The following ZSWIM6 variants were observed in gnomAD, a reference collection of about 807,000 sequenced individuals.
ZSWIM6 encodes zinc finger SWIM domain-containing protein 6.
In ZSWIM6, 9 loss-of-function variants were observed where a neutral mutation model predicts 113.2. The ratio of observed to expected loss-of-function variants is 0.08; its 90% CI spans 0.05 to 0.14. The LOEUF (loss-of-function observed/expected upper bound fraction) is 0.14, where lower values mean the gene tolerates loss of function less well. Ranked by LOEUF, ZSWIM6 falls within the 10% of genes least tolerant of loss-of-function variation. The pLI, the probability that ZSWIM6 is intolerant of heterozygous loss-of-function variation, is 1.00. For synonymous variants in ZSWIM6, 611 were observed against 606.5 expected (o/e 1.01, Z -0.11); for missense variants, 1,162 against 1,552.2 (o/e 0.75, Z 4.22).
At chr5:61,484,320 A>G (rs1747957903) in intron 2 of ZSWIM6, among the ~76,000 whole-genome samples, 1 of 152,194 alleles carries the variant, frequency 6.6e-6, no homozygotes, top group Non-Finnish European at 1.5e-5. Context: ...AATGACAAAA[A>G]TTGAGAGAAG....
chr5:61,458,341 T>C (rs887997760), intron 1 of ZSWIM6, among the ~76,000 whole-genome samples: 7 of 152,202 alleles, frequency 4.6e-5, no homozygotes. Flanking sequence ...TTACTTAGAA[T>C]CTAAAAATTT....
At chr5:61,512,796 ATT>A (rs1748825836) in intron 4 of ZSWIM6, among the ~76,000 whole-genome samples, 1 of 151,866 alleles carries the variant, frequency 6.6e-6, no homozygotes, top group African/African-American at 2.4e-5. Flanking sequence ...GTCTTTCTGA[ATT>A]TTTGCCCTTT....
chr5:61,348,321 T>C (rs1041654808), intron 1 of ZSWIM6, among the ~76,000 whole-genome samples: 7 of 152,116 alleles, frequency 4.6e-5, no homozygotes, highest in Non-Finnish European at 1.0e-4. Context: ...TAAGCCATGG[T>C]GGATTAAGCT....
At chr5:61,431,189 A>G (rs1746572246) in intron 1 of ZSWIM6, among the ~76,000 whole-genome samples, 1 of 151,060 alleles carries the variant, frequency 6.6e-6, no homozygotes, top group Non-Finnish European at 1.5e-5. Flanking sequence ...GGCCAACATG[A>G]TGAAACCCTG....
intron 1 of ZSWIM6, among the ~76,000 whole-genome samples, chr5:61,378,659 G>T (rs979088677): frequency 6.6e-6 from 1 of 151,928 alleles, no homozygotes; most frequent in East Asian, 1.9e-4. Flanking sequence ...AGGTTCAATC[G>T]GTTTTCCTGC....
intron 4 of ZSWIM6, among the ~76,000 whole-genome samples, chr5:61,506,901 A>G (rs1057106911): frequency 1.3e-5 from 2 of 152,234 alleles, no homozygotes; most frequent in African/African-American, 4.8e-5. Flanking sequence ...AGCCTGGGAA[A>G]TACCAAAAGT....
At chr5:61,415,653 A>G (rs994391968) in intron 1 of ZSWIM6, among the ~76,000 whole-genome samples, 3 of 151,874 alleles carry the variant, frequency 2.0e-5, no homozygotes, top group Non-Finnish European at 2.9e-5. Flanking sequence ...TGGGATGGAT[A>G]TGACATGGGG....
intron 4 of ZSWIM6, among the ~76,000 whole-genome samples, chr5:61,520,633 C>T (rs1205605423): frequency 6.6e-6 from 1 of 151,630 alleles, no homozygotes; most frequent in East Asian, 1.9e-4. Flanking sequence ...ATTTTACTGG[C>T]TTTTTTTTGC....
Position 61,543,538 on chromosome 5 carries a change from G to T in ZSWIM6, c.2869G>T (p.Val957Leu). The T allele has an allele frequency of 6.4e-7, 1 of 1,551,020 alleles. No homozygotes were observed. The highest frequency in any genetic ancestry group is 8.7e-7 in the Non-Finnish European group (1 of 1,146,884). ...TEATSIVATT[V>L]MSNSTIVRLH... ...GGCCACAAGTATAGTTGCAACTACC[G>T]TGATGTCCAACAGCACCATCGTCCG... The change falls in exon 14 of 14, where the codon GTG becomes TTG. Residue 957 changes from valine (V) to leucine (L), a missense_variant. This residue lies in a region of ZSWIM6 where 620 missense variants were observed against 804.6 expected (regional missense o/e 0.77). Coordinates refer to ENST00000252744, the MANE Select transcript of ZSWIM6 (RefSeq NM_020928.2). This position sits in a 1 kb window ranked among gnomAD's most constrained non-coding sequence, Gnocchi z 4.3.
chr5:61,401,310 T>C (rs528227099), intron 1 of ZSWIM6, among the ~76,000 whole-genome samples: 1 of 152,296 alleles, frequency 6.6e-6, no homozygotes, highest in African/African-American at 2.4e-5. Context: ...CCAGAGGTAC[T>C]GCTACAAATA....
intron 1 of ZSWIM6, among the ~76,000 whole-genome samples, chr5:61,356,750 TATTA>T (rs1218700294): frequency 9.3e-5 from 13 of 139,516 alleles, no homozygotes; most frequent in Non-Finnish European, 1.8e-4. Flanking sequence ...TATATATATA[TATTA>T]TATATAATAT....
chr5:61,492,707 T>C (rs1419460255), intron 3 of ZSWIM6, among the ~76,000 whole-genome samples: 1 of 152,142 alleles, frequency 6.6e-6, no homozygotes, highest in Admixed American at 6.6e-5. Context: ...GTAACGCTCT[T>C]GTAAGCACAA....
intron 1 of ZSWIM6, among the ~76,000 whole-genome samples, chr5:61,449,872 G>A (rs1747050244): frequency 1.3e-5 from 2 of 152,130 alleles, no homozygotes; most frequent in African/African-American, 4.8e-5. Context: ...TGATCTCCAG[G>A]TGTGACCAGG....
intron 1 of ZSWIM6, among the ~76,000 whole-genome samples, chr5:61,339,202 CAT>C (rs1579938968): frequency 1.3e-5 from 2 of 152,160 alleles, no homozygotes; most frequent in Admixed American, 6.5e-5. Flanking sequence ...TGAAAAATCA[CAT>C]GAGACCAGCC....
intron 1 of ZSWIM6, among the ~76,000 whole-genome samples, chr5:61,404,257 T>G (rs904270182): frequency 8.5e-5 from 13 of 152,240 alleles, no homozygotes; most frequent in African/African-American, 2.9e-4. Flanking sequence ...CGGAAAACTT[T>G]CCTTCACATT....
chr5:61,538,797 T>A lies in ZSWIM6; in HGVS notation c.2382-17T>A, dbSNP rs1580072659. ...AAGAAATAACTAGGGGCCACCTTCC[T>A]TGTCTTCTCATTATAGGTTACTAGT... On this transcript the variant is annotated splice_polypyrimidine_tract_variant and intron_variant, in intron 10 of 13. Transcript: ENST00000252744. 1 of 1,542,998 alleles carries A rather than the reference T, an allele frequency of 6.5e-7. No homozygotes were observed. The highest frequency in any genetic ancestry group is 2.5e-5 in the East Asian group (1 of 40,814).
intron 4 of ZSWIM6, among the ~76,000 whole-genome samples, chr5:61,500,129 C>T (rs866355828): frequency 8.5e-4 from 54 of 63,844 alleles, no homozygotes; most frequent in South Asian, 7.9e-3. Flanking sequence ...TTATTATTAT[C>T]ATTATCATTA....
chr5:61,470,346 G>C (rs2112180850), intron 1 of ZSWIM6, among the ~76,000 whole-genome samples: 1 of 152,300 alleles, frequency 6.6e-6, no homozygotes, highest in South Asian at 2.1e-4. Flanking sequence ...AGTTTGCCTT[G>C]AACTAAATGT....
chr5:61,345,867 A>G (rs1744647028), intron 1 of ZSWIM6, among the ~76,000 whole-genome samples: 1 of 152,220 alleles, frequency 6.6e-6, no homozygotes, highest in Non-Finnish European at 1.5e-5. Context: ...AAGAAAGCTT[A>G]TGTTGAGGGA....
Sources: gnomAD v4.1 joint callset for allele counts (sites outside exome capture counted in the v4.1 genomes callset) on GRCh38, gnomAD v4.1.1 for gene constraint, gnomAD v4.1.1 regional missense constraint, Gnocchi (gnomAD v3.1) non-coding constraint, MANE v1.5 for transcripts, NCBI Gene and HGNC (gene_info 2026-07-23, HGNC 2026-07-21) for gene names.